The following KIAA1217 variants were observed in gnomAD, a reference collection of about 807,000 sequenced individuals.
KIAA1217 encodes the protein sickle tail protein homolog.
Under a neutral mutation model 163.9 loss-of-function variants are expected in KIAA1217, and 88 were observed. The ratio of observed to expected loss-of-function variants is 0.54; its 90% CI spans 0.45 to 0.64. KIAA1217 has a LOEUF of 0.64. Among genes scored for constraint, KIAA1217 ranks in the 30% least tolerant of loss-of-function variants. The pLI is 0.00. For synonymous variants in KIAA1217, 903 were observed against 923.1 expected (o/e 0.98, Z 0.39); for missense variants, 2,372 against 2,475.0 (o/e 0.96, Z 0.88).
At chr10:24,463,267 T>G (rs1032512509) in intron 5 of KIAA1217, among the ~76,000 whole-genome samples, 1 of 152,220 alleles carries the variant, frequency 6.6e-6, no homozygotes, top group African/African-American at 2.4e-5. Context: ...TTGAGATCTT[T>G]AATCACTGTT....
intron 10 of KIAA1217, among the ~76,000 whole-genome samples, chr10:24,513,878 C>G (rs2069611677): frequency 6.6e-6 from 1 of 151,652 alleles, no homozygotes; most frequent in Non-Finnish European, 1.5e-5. Flanking sequence ...ATGGCAAAAC[C>G]CAATGGCAAA....
At chr10:23,974,650 C>T (rs1033715829) in intron 1 of KIAA1217, among the ~76,000 whole-genome samples, 3 of 151,732 alleles carry the variant, frequency 2.0e-5, no homozygotes, top group East Asian at 3.9e-4. Flanking sequence ...AGTGACACCT[C>T]GTGTCTGCAA....
At chr10:24,545,756 T>C in intron 20 of KIAA1217, 71 bp from the exon 21 acceptor site, 1 of 1,526,412 alleles carries the variant, frequency 6.6e-7, no homozygotes, top group Non-Finnish European at 8.8e-7. Flanking sequence ...AAGGGCTGTG[T>C]TGCCAGGCCC....
chr10:24,421,244 G>A (rs2058712710), intron 3 of KIAA1217, among the ~76,000 whole-genome samples: 1 of 152,192 alleles, frequency 6.6e-6, no homozygotes, highest in Non-Finnish European at 1.5e-5. Context: ...GACCTCAGGT[G>A]ATCCACCCAC....
chr10:24,195,908 C>G (rs1044893139), intron 2 of KIAA1217, among the ~76,000 whole-genome samples: 13 of 152,004 alleles, frequency 8.6e-5, no homozygotes, highest in African/African-American at 3.1e-4. Context: ...GCAGGAGGAT[C>G]GCTTGAGGCC....
intron 2 of KIAA1217, among the ~76,000 whole-genome samples, chr10:24,234,984 A>G (rs2072024851): frequency 6.6e-6 from 1 of 152,236 alleles, no homozygotes; most frequent in South Asian, 2.1e-4. Flanking sequence ...ACTGGACCCT[A>G]TGCCAGGAAA....
intron 1 of KIAA1217, among the ~76,000 whole-genome samples, chr10:23,720,224 C>T (rs2130760912): frequency 6.6e-6 from 1 of 151,946 alleles, no homozygotes; most frequent in East Asian, 1.9e-4. Context: ...AAGTGTTTGC[C>T]TCCAGGACTG....
Position 24,525,591 on chromosome 10 carries a change from G to A in KIAA1217, c.2898+827G>A, listed in dbSNP as rs544048066. Among the ~76,000 whole-genome samples the A allele has an allele frequency of 1.2e-4, 19 of 152,290 alleles. 1 individual carries two copies. Among genetic ancestry groups the A allele is most frequent in the African/African-American group, 4.6e-4 (19 of 41,542 alleles). On this transcript the variant is annotated intron_variant, in intron 13 of 20. Coordinates refer to ENST00000376454, the MANE Select transcript of KIAA1217 (RefSeq NM_019590.5). Reference sequence around the variant, plus strand: ...GAAACAACGTACAGAATTGATTGAGGTGGTGGGTCTAGAATTAAGAGAGCT... The same window carrying A: ...GAAACAACGTACAGAATTGATTGAGATGGTGGGTCTAGAATTAAGAGAGCT...
intron 1 of KIAA1217, among the ~76,000 whole-genome samples, chr10:23,998,070 T>C (rs1846574319): frequency 6.6e-6 from 1 of 152,044 alleles, no homozygotes; most frequent in African/African-American, 2.4e-5. Context: ...CTCTCAACTA[T>C]TTTCAATTTT....
intron 3 of KIAA1217, among the ~76,000 whole-genome samples, chr10:24,417,841 T>C (rs1419070960): frequency 1.4e-5 from 2 of 147,036 alleles, no homozygotes; most frequent in East Asian, 4.0e-4. Context: ...TTTATATTTG[T>C]TGTCAAAGAA....
intron 2 of KIAA1217, among the ~76,000 whole-genome samples, chr10:24,021,520 C>T (rs1847731326): frequency 6.6e-6 from 1 of 151,850 alleles, no homozygotes; most frequent in Non-Finnish European, 1.5e-5. Flanking sequence ...GTCTGTTATT[C>T]CCAATTTTAT....
intron 1 of KIAA1217, among the ~76,000 whole-genome samples, chr10:23,726,221 C>G (rs1838121907): frequency 6.6e-6 from 1 of 150,386 alleles, no homozygotes; most frequent in Non-Finnish European, 1.5e-5. Context: ...GTAGTATTAA[C>G]CTCTATAAAG....
chr10:23,837,554 G>A (rs1173805084), intron 1 of KIAA1217, among the ~76,000 whole-genome samples: 2 of 151,936 alleles, frequency 1.3e-5, no homozygotes, highest in African/African-American at 4.8e-5. Context: ...TCTTTTTTGA[G>A]ATGGGATCTT....
chr10:23,899,304 G>T (rs1294225344), intron 1 of KIAA1217, among the ~76,000 whole-genome samples: 1 of 152,084 alleles, frequency 6.6e-6, no homozygotes, highest in Admixed American at 6.6e-5. Context: ...AGTTCTTGTT[G>T]TCTCACATCA....
chr10:24,042,527 G>T (rs760076839), intron 2 of KIAA1217: 3 of 152,156 alleles, frequency 2.0e-5, no homozygotes, highest in African/African-American at 2.4e-5. Flanking sequence ...TTTTGTGAAC[G>T]TTTGCTTAGA....
At chr10:24,008,746 A>G (rs1256031110) in intron 2 of KIAA1217, among the ~76,000 whole-genome samples, 1 of 152,080 alleles carries the variant, frequency 6.6e-6, no homozygotes, top group African/African-American at 2.4e-5. Context: ...CAAACCAGCT[A>G]CCTTTCTCAC....
At chr10:23,745,885 A>G (rs1839383213) in intron 1 of KIAA1217, among the ~76,000 whole-genome samples, 1 of 152,220 alleles carries the variant, frequency 6.6e-6, no homozygotes, top group South Asian at 2.1e-4. Flanking sequence ...TCTGCAAACA[A>G]ATAAAGAGAA....
intron 2 of KIAA1217, among the ~76,000 whole-genome samples, chr10:24,319,315 G>A (rs554118876): frequency 7.0e-6 from 1 of 142,118 alleles, no homozygotes; most frequent in South Asian, 2.3e-4. Context: ...GGCAGAGGTT[G>A]CAGTGAGCTG....
intron 2 of KIAA1217, among the ~76,000 whole-genome samples, chr10:24,202,925 CAT>C (rs2067343506): frequency 6.6e-6 from 1 of 152,192 alleles, no homozygotes; most frequent in Non-Finnish European, 1.5e-5. Context: ...GGCAGTGGCT[CAT>C]GACAGTAATC....
Sources: allele counts gnomAD v4.1 joint callset (sites outside exome capture counted in the v4.1 genomes callset), GRCh38; gene constraint gnomAD v4.1.1; transcripts MANE v1.5; gene names NCBI Gene and HGNC (gene_info 2026-07-23, HGNC 2026-07-21).